The following CA10 variants were observed in gnomAD, a reference collection of about 807,000 sequenced individuals.
CA10 encodes the protein carbonic anhydrase-related protein 10.
CA10 carries 14 observed loss-of-function variants against 44.2 expected under a neutral mutation model. That is an observed-to-expected ratio of 0.32 (90% confidence interval 0.21 to 0.50). The LOEUF (loss-of-function observed/expected upper bound fraction) is 0.50, where lower values mean the gene tolerates loss of function less well. Ranked by LOEUF, CA10 falls within the 20% of genes least tolerant of loss-of-function variation. The pLI, the probability that CA10 is intolerant of heterozygous loss-of-function variation, is 0.99. For missense variants in CA10, 350 were observed against 409.7 expected, an observed-to-expected ratio of 0.85 and a Z score of 1.26; for synonymous variants, 159 against 141.6, an observed-to-expected ratio of 1.12 and a Z score of -0.87.
chr17:51,902,417 T>A (rs897797024), intron 3 of CA10, among the ~76,000 whole-genome samples: 20 of 152,238 alleles, frequency 1.3e-4, no homozygotes, highest in Middle Eastern at 3.4e-3. Context: ...AATTTTATCT[T>A]TTTTTCCCCA....
intron 6 of CA10, among the ~76,000 whole-genome samples, chr17:51,637,268 A>G (rs139096308): frequency 6.9e-4 from 105 of 152,266 alleles, no homozygotes; most frequent in African/African-American, 2.3e-3. Context: ...TCAATGATGC[A>G]ATTCCCCAAA....
chr17:51,897,653 G>A (rs927364413), intron 3 of CA10, among the ~76,000 whole-genome samples: 1 of 151,984 alleles, frequency 6.6e-6, no homozygotes, highest in African/African-American at 2.4e-5. Flanking sequence ...AATTGCTCTG[G>A]GCATTATGGC....
At chr17:51,787,158 G>C (rs1399463053) in intron 3 of CA10, among the ~76,000 whole-genome samples, 1 of 152,174 alleles carries the variant, frequency 6.6e-6, no homozygotes, top group African/African-American at 2.4e-5. Context: ...TCTTTGTCTG[G>C]TTTTGGTATC....
chr17:51,821,460 C>G (rs535145965), intron 3 of CA10, among the ~76,000 whole-genome samples: 3 of 152,072 alleles, frequency 2.0e-5, no homozygotes, highest in Admixed American at 6.5e-5. Flanking sequence ...CATCATGAAT[C>G]TGATCATTTG....
At chr17:51,998,074 G>T (rs905648027) in intron 2 of CA10, among the ~76,000 whole-genome samples, 1 of 152,044 alleles carries the variant, frequency 6.6e-6, no homozygotes, top group Non-Finnish European at 1.5e-5. Context: ...TAAAAGATAG[G>T]TCGCCCTGGA....
intron 1 of CA10, among the ~76,000 whole-genome samples, chr17:52,086,722 G>A (rs970851108): frequency 6.6e-6 from 1 of 152,182 alleles, no homozygotes. Context: ...TGGAGAACAT[G>A]CAGCCAGAGT....
chr17:51,650,112 A>C (rs1248253034), intron 5 of CA10, among the ~76,000 whole-genome samples: 1 of 152,150 alleles, frequency 6.6e-6, no homozygotes, highest in Non-Finnish European at 1.5e-5. Context: ...TTATAGCTTC[A>C]AATTCCTCTG....
chr17:51,801,122 T>C (rs1411966315), intron 3 of CA10, among the ~76,000 whole-genome samples: 1 of 152,184 alleles, frequency 6.6e-6, no homozygotes, highest in Non-Finnish European at 1.5e-5. Context: ...CTCTCTCCTA[T>C]GATGGGATGT....
intron 2 of CA10, among the ~76,000 whole-genome samples, chr17:52,046,074 T>A (rs1434885648): frequency 6.6e-6 from 1 of 151,900 alleles, no homozygotes; most frequent in East Asian, 1.9e-4. Context: ...ATGTTGCTAA[T>A]GTAGTACCTA....
intron 2 of CA10, among the ~76,000 whole-genome samples, chr17:51,979,874 AG>A (rs1383835746): frequency 1.3e-5 from 2 of 152,150 alleles, no homozygotes; most frequent in Non-Finnish European, 2.9e-5. Flanking sequence ...AAGACTGCAT[AG>A]TATCCCATGG....
chr17:51,864,952 T>C (rs996127979), intron 3 of CA10, among the ~76,000 whole-genome samples: 2 of 152,164 alleles, frequency 1.3e-5, no homozygotes, highest in African/African-American at 4.8e-5. Context: ...GCCTTGTATG[T>C]GTCAGATGTT....
At chr17:52,155,389 C>T (rs988873730) in intron 1 of CA10, among the ~76,000 whole-genome samples, 3 of 152,306 alleles carry the variant, frequency 2.0e-5, no homozygotes, top group African/African-American at 7.2e-5. Flanking sequence ...GAAAGATCCA[C>T]TAAACTCTCT....
At chr17:52,009,130 C>A (rs1174128100) in intron 2 of CA10, among the ~76,000 whole-genome samples, 1 of 151,880 alleles carries the variant, frequency 6.6e-6, no homozygotes, top group South Asian at 2.1e-4. Context: ...AAGAGTCAGC[C>A]TCCCTCTATT....
At chr17:51,961,505 G>A (rs1287905932) in intron 2 of CA10, among the ~76,000 whole-genome samples, 1 of 151,968 alleles carries the variant, frequency 6.6e-6, no homozygotes, top group East Asian at 1.9e-4. Flanking sequence ...AACAGATAGA[G>A]TCAATGAAAT....
chr17:52,146,671 A>AAAATAAATAAATAAAT (rs138199238), intron 1 of CA10, among the ~76,000 whole-genome samples: 3 of 149,444 alleles, frequency 2.0e-5, no homozygotes, highest in African/African-American at 7.4e-5. Context: ...ACTCCGTCTC[A>AAAATAAATAAATAAAT]AAATAAATAA....
intron 4 of CA10, among the ~76,000 whole-genome samples, chr17:51,720,472 C>A (rs1916319086): frequency 6.6e-6 from 1 of 152,172 alleles, no homozygotes; most frequent in Admixed American, 6.5e-5. Flanking sequence ...CAGTCCCATC[C>A]ACCAGTCTGA....
rs111882750 is a variant in CA10 at position 52,035,656 on chromosome 17, G to C, written c.136+36663C>G. Among the ~76,000 whole-genome samples, 755 of 152,316 alleles carry C rather than the reference G, an allele frequency of 5.0e-3. 2 individuals are homozygous for C. Among genetic ancestry groups the C allele is most frequent in the African/African-American group, 0.017 (713 of 41,578 alleles). On this transcript the variant is annotated intron_variant, in intron 2 of 8. Coordinates refer to ENST00000451037, the MANE Select transcript of CA10 (RefSeq NM_020178.5). ...TCATCTGGGGCTTCAGGGGTCACAG[G>C]CACCCCTACCTGGATGCTGCCGTGG...
At chr17:51,737,392 TCA>T (rs1046000238) in intron 4 of CA10, among the ~76,000 whole-genome samples, 5 of 151,788 alleles carry the variant, frequency 3.3e-5, no homozygotes, top group Admixed American at 6.5e-5. Context: ...TATCTTATCT[TCA>T]GTTTGGGCTA....
chr17:51,631,354 G>A lies in CA10; in HGVS notation c.*230C>T, dbSNP rs1186670781. 1.7e-6 allele frequency: 1 copy of A among 579,650 alleles called. No individual in the cohort carries two copies. Among genetic ancestry groups the A allele is most frequent in the African/African-American group, 1.9e-5 (1 of 53,406 alleles). The allele number at this position is 579,650 out of a possible 1,614,324, so 35.9% of individuals were successfully genotyped here. A position where few individuals can be genotyped will look rare whatever the true frequency, so the allele number is the denominator to read the frequency against. On this transcript the variant is annotated 3_prime_UTR_variant, in exon 9 of 9. Transcript: ENST00000451037. ...TGTGTGTGTGTAGGTATGTTTGCAT[G>A]TGTTTGTATGTATGTGCAAGTGCTT...
Sources: allele counts gnomAD v4.1 joint callset (sites outside exome capture counted in the v4.1 genomes callset), GRCh38; gene constraint gnomAD v4.1.1; transcripts MANE v1.5; gene names NCBI Gene and HGNC (gene_info 2026-07-23, HGNC 2026-07-21).